Variants in CYREN observed in about 807,000 individuals in gnomAD.
CYREN encodes cell cycle regulator of NHEJ, also known as cell cycle regulator of non-homologous end joining.
A neutral mutation model predicts 9.7 loss-of-function variants in CYREN; 7 were observed. The ratio of observed to expected loss-of-function variants is 0.72; its 90% CI spans 0.41 to 1.36. CYREN has a LOEUF of 1.36. CYREN is among the 40% of genes most tolerant of loss of function. The pLI, the probability that CYREN is intolerant of heterozygous loss-of-function variation, is 0.01. For missense variants in CYREN, 215 were observed against 198.1 expected (o/e 1.09, Z -0.51); for synonymous variants, 76 against 77.9 (o/e 0.98, Z 0.13).
intron 1 of CYREN, among the ~76,000 whole-genome samples, chr7:135,169,961 C>A (rs1830528635): frequency 1.3e-5 from 2 of 152,256 alleles, no homozygotes; most frequent in East Asian, 3.8e-4. Context: ...GCCAATGCAC[C>A]TTCATTTCTG....
intron 2 of CYREN, chr7:135,094,675 A>G (rs1822384459): frequency 2.7e-6 from 1 of 367,762 alleles, no homozygotes. Flanking sequence ...TAACTCTAAA[A>G]GGAGAAAATC....
intron 2 of CYREN, among the ~76,000 whole-genome samples, chr7:135,103,415 ACT>A (rs1824155789): frequency 6.6e-6 from 1 of 150,892 alleles, no homozygotes; most frequent in African/African-American, 2.4e-5. Context: ...CTTGAATCAA[ACT>A]CTCACCCATA....
exon 3 of CYREN, chr7:135,092,930 T>C (rs1822068222): frequency 6.6e-6 from 1 of 151,930 alleles, no homozygotes; most frequent in African/African-American, 2.4e-5. Context: ...AAAAGGCACA[T>C]GGTCATCTCA....
intron 2 of CYREN, among the ~76,000 whole-genome samples, chr7:135,098,636 G>A (rs1823289934): frequency 6.6e-6 from 1 of 152,154 alleles, no homozygotes; most frequent in Non-Finnish European, 1.5e-5. Context: ...GGCTTGATAA[G>A]AGCAGATCTG....
chr7:135,107,579 T>C (rs1012721167), intron 2 of CYREN, among the ~76,000 whole-genome samples: 8 of 151,984 alleles, frequency 5.3e-5, no homozygotes, highest in African/African-American at 1.9e-4. Context: ...GATCTAGGAG[T>C]GTGTTGGTTA....
chr7:135,164,712 C>T (rs772500823), downstream of CYREN: 1 of 1,614,234 alleles, frequency 6.2e-7, no homozygotes, highest in South Asian at 1.1e-5. Context: ...GTACGGGTCC[C>T]TGGTCCTCAC....
At chr7:135,095,938 G>A (rs1169271788) in intron 2 of CYREN, among the ~76,000 whole-genome samples, 1 of 152,170 alleles carries the variant, frequency 6.6e-6, no homozygotes, top group African/African-American at 2.4e-5. Context: ...GATCACCTGA[G>A]GTCAGGAGTT....
At position 135,151,560 on chromosome 7, in the gene CYREN, A is replaced by G. The variant is rs900278876; in HGVS notation, n.356+17189T>C. 3.3e-5 allele frequency among the ~76,000 whole-genome samples: 5 copies of G among 152,062 alleles called. No homozygotes were observed. The highest frequency in any genetic ancestry group is 9.7e-5 in the African/African-American group (4 of 41,386). ...CTCCATTCAGGCGACACACCCAACC[A>G]TGTCTACCTGACTCTCCGTCAATTC... On this transcript the variant is annotated intron_variant and non_coding_transcript_variant, in intron 2 of 2. Coordinates refer to the CYREN transcript ENST00000459937. The surrounding 1 kb of genome is among the most constrained non-coding windows in gnomAD (Gnocchi z 4.3).
At chr7:135,096,949 T>A (rs1175948947) in intron 2 of CYREN, among the ~76,000 whole-genome samples, 2 of 152,160 alleles carry the variant, frequency 1.3e-5, no homozygotes, top group Non-Finnish European at 2.9e-5. Context: ...AAAGCACATA[T>A]GAAGACTGAA....
chr7:135,104,963 A>G (rs535783155), intron 2 of CYREN, among the ~76,000 whole-genome samples: 2 of 149,492 alleles, frequency 1.3e-5, no homozygotes, highest in South Asian at 4.2e-4. Context: ...TTTTGTTGTG[A>G]TTGCTTTTGG....
At chr7:135,162,683 T>A (rs1269102372), downstream of CYREN, among the ~76,000 whole-genome samples, 1 of 152,112 alleles carries the variant, frequency 6.6e-6, no homozygotes. Flanking sequence ...TCCAATTACC[T>A]CCCACTGGGT....
At chr7:135,103,965 A>G (rs1585133784) in intron 2 of CYREN, among the ~76,000 whole-genome samples, 1 of 152,092 alleles carries the variant, frequency 6.6e-6, no homozygotes, top group Admixed American at 6.5e-5. Context: ...GGTACCCCAT[A>G]TAGGTAAACT....
At position 135,139,528 on chromosome 7, in the gene CYREN, T is replaced by A. The variant is rs187043590; in HGVS notation, n.356+29221A>T. ...ATATTTTCTCCCCTTCTATAGGCTG[T>A]TTACTGTGCTCAAAGTTTCTTCTGC... On this transcript the variant is annotated intron_variant and non_coding_transcript_variant, in intron 2 of 2. Transcript: ENST00000459937. Among the ~76,000 whole-genome samples, 18 of 152,178 alleles carry A rather than the reference T, an allele frequency of 1.2e-4. No individual in the cohort carries two copies. In the East Asian group the frequency reaches 2.9e-3, roughly 24 times the overall value.
chr7:135,165,218 A>C (rs1830063465), downstream of CYREN: 2 of 520,198 alleles, frequency 3.8e-6, no homozygotes, highest in South Asian at 6.9e-5. Context: ...CAGGACTTCC[A>C]AGGCTCCCAA....
chr7:135,135,384 C>A, intron 2 of CYREN: 1 of 780,218 alleles, frequency 1.3e-6, no homozygotes, highest in Non-Finnish European at 1.8e-6. Context: ...CATGCATATG[C>A]ATAAACTAAA....
chr7:135,130,295 A>G (rs562516509), intron 2 of CYREN, among the ~76,000 whole-genome samples: 1 of 152,336 alleles, frequency 6.6e-6, no homozygotes, highest in South Asian at 2.1e-4. Context: ...ATTTATAATA[A>G]TTTAAAAATA....
chr7:135,167,601 C>T (rs1047715437), intron 3 of CYREN, 131 bp downstream of exon 3: 3 of 1,489,156 alleles, frequency 2.0e-6, no homozygotes, highest in South Asian at 1.4e-5. Context: ...GAGATAAGAG[C>T]AAGGGAAGTG....
At chr7:135,162,426 G>C (rs1012271084), downstream of CYREN, among the ~76,000 whole-genome samples, 4 of 152,186 alleles carry the variant, frequency 2.6e-5, no homozygotes, top group Non-Finnish European at 2.9e-5. Context: ...TGTTGTATTA[G>C]TCCATTTTCA....
intron 2 of CYREN, chr7:135,128,665 C>T (rs75948004): frequency 0.037 from 40,491 of 1,087,838 alleles, 962 homozygotes; most frequent in Non-Finnish European, 0.047. Flanking sequence ...AAGGAAGAGA[C>T]CCTAGTATAC....
Sources: allele counts gnomAD v4.1 joint callset (sites outside exome capture counted in the v4.1 genomes callset), GRCh38; gene constraint gnomAD v4.1.1; non-coding constraint Gnocchi (gnomAD v3.1); transcripts MANE v1.5; gene names NCBI Gene and HGNC (gene_info 2026-07-23, HGNC 2026-07-21).